Variants in MAN2B1 observed in about 807,000 individuals in gnomAD.
The protein encoded by MAN2B1 is lysosomal alpha-mannosidase.
A neutral mutation model predicts 127.5 loss-of-function variants in MAN2B1; 99 were observed. The ratio of observed to expected loss-of-function variants is 0.78; its 90% CI spans 0.66 to 0.92. MAN2B1 has a LOEUF of 0.92. MAN2B1 is among the 40% of genes least tolerant of loss of function. The probability of loss-of-function intolerance (pLI) is 0.00; values close to 1 mark genes in which losing one functional copy is unlikely to be tolerated. For missense variants in MAN2B1, 1,304 were observed against 1,384.8 expected, an observed-to-expected ratio of 0.94 and a Z score of 0.93; for synonymous variants, 573 against 568.8, an observed-to-expected ratio of 1.01 and a Z score of -0.11.
In MAN2B1 at chr19:12,665,885, G is replaced by T. The variant is rs964907726; in HGVS notation, c.160-80C>A. The T allele has an allele frequency of 3.3e-5, 37 of 1,129,806 alleles. 1 individual carries two copies. In the South Asian group the frequency reaches 4.5e-4, roughly 14 times the overall value. 70.0% of individuals were successfully genotyped at this position (1,129,806 alleles called of 1,614,324 possible). A position where few individuals can be genotyped will look rare whatever the true frequency, so the allele number is the denominator to read the frequency against. ...CTGCAGAGTAAGTCTTGATCTAGAGGTGAGTGACTCAGAGAGGCCTGATCT... is the reference window on the plus strand; with the variant it reads ...CTGCAGAGTAAGTCTTGATCTAGAGTTGAGTGACTCAGAGAGGCCTGATCT... On this transcript the variant is annotated intron_variant, in intron 1 of 23. Coordinates refer to ENST00000456935, the MANE Select transcript of MAN2B1 (RefSeq NM_000528.4).
Position 12,663,360 on chromosome 19 carries a change from G to A in MAN2B1, c.866C>T (p.Ala289Val). 1.9e-6 allele frequency: 3 copies of A among 1,614,116 alleles called. No individual in the cohort carries two copies. Among genetic ancestry groups the A allele is most frequent in the Non-Finnish European group, 1.7e-6 (2 of 1,179,994 alleles). Residue 289 changes from alanine (A) to valine (V), a missense_variant, in exon 6 of 24, where the codon GCC becomes GTC. Transcript: ENST00000456935. ...VEDPRSPEYN[A>V]KELVDYFLNV... The stretch of plus-strand genomic sequence containing the variant: ...TAGGAAGTAATCGACCAGCTCCTTG[G>A]CGTTGTACTCGGGGCTGCGAGGGTC...
intron 6 of MAN2B1, among the ~76,000 whole-genome samples, chr19:12,662,339 A>C (rs1839389284): frequency 6.6e-6 from 1 of 152,076 alleles, no homozygotes; most frequent in Non-Finnish European, 1.5e-5. Flanking sequence ...TTAATTATAA[A>C]AATGTTAAAG....
rs921344332 is a variant in MAN2B1 at position 12,657,443 on chromosome 19, C to T, written c.1419+3G>A. ...CGTGTCTCCCAAGTCTCGCCCCGCGCACCTCGCAAGGCCCCCAGCCTGCCG... is the reference window on the plus strand; with the variant it reads ...CGTGTCTCCCAAGTCTCGCCCCGCGTACCTCGCAAGGCCCCCAGCCTGCCG... On this transcript the variant is annotated splice_donor_region_variant and intron_variant, in intron 11 of 23. Coordinates refer to ENST00000456935, the MANE Select transcript of MAN2B1 (RefSeq NM_000528.4). The T allele has an allele frequency of 2.6e-6, 4 of 1,549,350 alleles. No individual in the cohort carries two copies. In the African/African-American group the frequency reaches 5.5e-5, roughly 21 times the overall value.
rs1407416578 is a variant in MAN2B1, at chr19:12,666,729, C to G, written c.-28G>C. On this transcript the variant is annotated 5_prime_UTR_variant, in exon 1 of 24. Coordinates refer to ENST00000456935, the MANE Select transcript of MAN2B1 (RefSeq NM_000528.4). ...CTCAGCAGCTTCCTCCTGGGGTTCCCCGGCCCTGGAAAGGCCGGGCAAACG... is the reference window on the plus strand; with the variant it reads ...CTCAGCAGCTTCCTCCTGGGGTTCCGCGGCCCTGGAAAGGCCGGGCAAACG... 16 of 1,545,132 alleles carry G rather than the reference C, an allele frequency of 1.0e-5. No individual in the cohort carries two copies. Among genetic ancestry groups the G allele is most frequent in the Non-Finnish European group, 1.2e-5 (14 of 1,145,700 alleles).
Position 12,657,481 on chromosome 19 carries a change from C to T in MAN2B1, c.1384G>A (p.Ala462Thr). 1.8e-5 allele frequency: 28 copies of T among 1,565,888 alleles called. No individual in the cohort carries two copies. Among genetic ancestry groups the T allele is most frequent in the Non-Finnish European group, 2.4e-5 (28 of 1,156,144 alleles). The change falls in exon 11 of 24, where the codon GCG (alanine) becomes ACG (threonine). Residue 462 changes from alanine (A) to threonine (T), a missense_variant. By Grantham distance (58) the Ala-to-Thr change is moderately conservative (BLOSUM62 0). Transcript: ENST00000456935. The stretch of plus-strand genomic sequence containing the variant: ...CCCCAGCCTGCCGCAAGCTGGCGCG[C>T]GTAGTCGTTGGCCACGTGCTGGCGG... ...TSRQHVANDY[A>T]RQLAAGWGPC...
chr19:12,666,267 C>T (rs1477177207), intron 1 of MAN2B1, among the ~76,000 whole-genome samples: 1 of 152,100 alleles, frequency 6.6e-6, no homozygotes, highest in African/African-American at 2.4e-5. Context: ...CACTGCTCAC[C>T]CCCTGCCACC....
chr19:12,650,162 G>A lies in MAN2B1; in HGVS notation c.2107C>T (p.Leu703=), dbSNP rs1469037105. The A allele has an allele frequency of 1.2e-6, 2 of 1,614,036 alleles. No homozygotes were observed. The highest frequency in any genetic ancestry group is 1.7e-5 in the Admixed American group (1 of 60,010). The change falls in exon 17 of 24, where the codon CTG becomes TTG. Residue 703 remains leucine, a synonymous_variant. Transcript: ENST00000456935. ...TCCAGGTGCCGCTGTCCTGGGTACA[G>A]GCGAACCACCTGGGAACACCAAGCT... ...FSAWCSQVVR[L]YPGQRHLELE... is the part of the protein sequence containing the mutation.
intron 14 of MAN2B1, among the ~76,000 whole-genome samples, chr19:12,655,033 C>A (rs2023924898): frequency 7.2e-5 from 11 of 152,144 alleles, no homozygotes; most frequent in Admixed American, 6.6e-4. Context: ...GTGGGACAAT[C>A]ATTACTCACT....
rs756633222 is a variant in MAN2B1, at chr19:12,652,464, G to T, written c.1831-4C>A. On this transcript the variant is annotated splice_region_variant and splice_polypyrimidine_tract_variant and intron_variant, in intron 14 of 23. Transcript: ENST00000456935. ...GATCAAACGTTGCCCGGATGTGCTGGGCAGAAAAGGGTCCACAGATGGGTT... is the reference window on the plus strand; with the variant it reads ...GATCAAACGTTGCCCGGATGTGCTGTGCAGAAAAGGGTCCACAGATGGGTT... The T allele has an allele frequency of 6.2e-7, 1 of 1,607,886 alleles. No homozygotes were observed. The highest frequency in any genetic ancestry group is 1.1e-5 in the South Asian group (1 of 90,932).
At chr19:12,664,094 T>C (rs1020452456) in intron 4 of MAN2B1, among the ~76,000 whole-genome samples, 2 of 152,250 alleles carry the variant, frequency 1.3e-5, no homozygotes, top group Admixed American at 6.5e-5. Flanking sequence ...GGCGTAGTGG[T>C]GCGCTCTTGT....
In MAN2B1 at chr19:12,666,692, A is replaced by T; in HGVS notation, c.10T>A (p.Tyr4Asn). The change falls in exon 1 of 24, where the codon TAC becomes AAC. Residue 4 changes from tyrosine to asparagine, a missense_variant. By Grantham distance (143) the Tyr-to-Asn change is moderately radical (BLOSUM62 -2). Transcript: ENST00000456935. MGA[Y>N]ARASGVCARG... ...GCGCAGACCCCCGAAGCCCGCGCGT[A>T]GGCGCCCATGGCTCAGCAGCTTCCT... 1 of 1,549,724 alleles carries T rather than the reference A, an allele frequency of 6.5e-7. No homozygotes were observed. The highest frequency in any genetic ancestry group is 8.7e-7 in the Non-Finnish European group (1 of 1,146,956).
intron 18 of MAN2B1, 48 bp from the exon 19 acceptor site, chr19:12,649,476 T>A (rs772319717): frequency 8.9e-5 from 58 of 653,488 alleles, no homozygotes; most frequent in Middle Eastern, 4.1e-4. Flanking sequence ...GCTCCCCAAC[T>A]CTTTTTTTTT....
In MAN2B1 at chr19:12,665,434, G is replaced by A. The variant is rs150012768; in HGVS notation, c.354C>T (p.Tyr118=). 66 of 1,600,808 alleles carry A rather than the reference G, an allele frequency of 4.1e-5. No individual in the cohort carries two copies. The highest frequency in any genetic ancestry group is 5.4e-5 in the Non-Finnish European group (63 of 1,172,568). ...LLADPTRRFI[Y]VEIAFFSRWW... is the part of the protein sequence containing the mutation. ...AACGGGAGAAGAAGGCAATCTCCAC[G>A]TAAATGAAGCGACGGGTGGGATCTG... The change falls in exon 3 of 24, where the codon TAC becomes TAT. Residue 118 remains tyrosine, a synonymous_variant. Coordinates refer to ENST00000456935, the MANE Select transcript of MAN2B1 (RefSeq NM_000528.4).
chr19:12,663,069 C>T (rs2024145705), intron 6 of MAN2B1, among the ~76,000 whole-genome samples: 1 of 151,986 alleles, frequency 6.6e-6, no homozygotes, highest in South Asian at 2.1e-4. Context: ...AGTTTGAGAC[C>T]AGCCTGGACA....
At position 12,658,254 on chromosome 19, in the gene MAN2B1, G is replaced by C. The variant is rs1313245454; in HGVS notation, c.1200C>G (p.Arg400=). 2.5e-6 allele frequency: 4 copies of C among 1,614,066 alleles called. No individual in the cohort carries two copies. The African/African-American group carries it at 5.3e-5, about 22-fold the overall frequency. The stretch of plus-strand genomic sequence containing the variant: ...GGAAGTTGTAGCTGAGGCGCTCGTA[G>C]CGTTTGAGGGCCGGCCGACTGGAAA... ...GYFSSRPALK[R]YERLSYNFLQ... The change falls in exon 9 of 24, where the codon CGC becomes CGG. Residue 400 remains arginine (R), a synonymous_variant. Transcript: ENST00000456935.
intron 4 of MAN2B1, 100 bp downstream of exon 4, chr19:12,664,692 T>C (rs569057644): frequency 3.9e-6 from 5 of 1,271,872 alleles, no homozygotes; most frequent in Non-Finnish European, 3.3e-6. Flanking sequence ...GGCCTGGGCC[T>C]GGTCCTTGTG....
At position 12,663,306 on chromosome 19, in the gene MAN2B1, AC is replaced by A. The variant is rs1568306887; in HGVS notation, c.909+10del. Reference sequence around the variant, plus strand: ...TATACCGGACTCGAAGGTTCTGGACACCAGGGTTACCTGGGCAGTGGCCACA... The same window carrying A: ...TATACCGGACTCGAAGGTTCTGGACACAGGGTTACCTGGGCAGTGGCCACA... On this transcript the variant is annotated intron_variant, in intron 6 of 23. Transcript: ENST00000456935. The A allele has an allele frequency of 2.5e-6, 4 of 1,614,168 alleles. No individual in the cohort carries two copies. The highest frequency in any genetic ancestry group is 3.4e-6 in the Non-Finnish European group (4 of 1,180,024).
intron 11 of MAN2B1, 185 bp from the exon 12 acceptor site, chr19:12,657,241 C>G (rs1466038346): frequency 1.4e-6 from 1 of 702,502 alleles, no homozygotes; most frequent in African/African-American, 1.8e-5. Flanking sequence ...CTCTTGCCCA[C>G]GCCCCGCCTC....
chr19:12,654,912 C>T (rs1233901331), intron 14 of MAN2B1, among the ~76,000 whole-genome samples: 1 of 152,162 alleles, frequency 6.6e-6, no homozygotes, highest in African/African-American at 2.4e-5. Context: ...TAGATCCACC[C>T]ACCTCAGCCT....
Sources: allele counts gnomAD v4.1 joint callset (sites outside exome capture counted in the v4.1 genomes callset), GRCh38; gene constraint gnomAD v4.1.1; transcripts MANE v1.5; gene names NCBI Gene and HGNC (gene_info 2026-07-23, HGNC 2026-07-21).